Variants in SLIT3 observed in about 807,000 individuals in gnomAD.
The protein encoded by SLIT3 is slit homolog 3 protein.
Under a neutral mutation model 184.0 loss-of-function variants are expected in SLIT3, and 68 were observed. That is an observed-to-expected ratio of 0.37 (90% CI 0.30 to 0.45). SLIT3 has a LOEUF of 0.45. Among genes scored for constraint, SLIT3 ranks in the 20% least tolerant of loss-of-function variants. The pLI is 1.00. For synonymous variants in SLIT3, 831 were observed against 828.6 expected (o/e 1.00, Z -0.05); for missense variants, 1,707 against 2,026.0 (o/e 0.84, Z 3.02).
chr5:168,765,708 G>C (rs187426844), intron 14 of SLIT3, among the ~76,000 whole-genome samples: 1 of 152,302 alleles, frequency 6.6e-6, no homozygotes, highest in East Asian at 1.9e-4. Context: ...GACTGCAATA[G>C]GCTGTTGCTT....
chr5:169,043,033 A>G (rs1375072212), intron 4 of SLIT3, among the ~76,000 whole-genome samples: 7 of 152,164 alleles, frequency 4.6e-5, no homozygotes, highest in African/African-American at 1.7e-4. Context: ...TACTACTACT[A>G]ATGGCTTCCT....
intron 4 of SLIT3, among the ~76,000 whole-genome samples, chr5:168,947,952 G>A (rs942775708): frequency 3.4e-5 from 5 of 148,296 alleles, no homozygotes; most frequent in Admixed American, 1.4e-4. Context: ...CACCACACCC[G>A]GCTAATTTTT....
intron 4 of SLIT3, among the ~76,000 whole-genome samples, chr5:169,013,665 C>T (rs1259484071): frequency 1.3e-5 from 2 of 152,130 alleles, no homozygotes; most frequent in Non-Finnish European, 2.9e-5. Flanking sequence ...GAATTAAACC[C>T]GGGCTAAATA....
At chr5:168,920,525 A>C (rs1761601572) in intron 4 of SLIT3, among the ~76,000 whole-genome samples, 1 of 152,146 alleles carries the variant, frequency 6.6e-6, no homozygotes, top group African/African-American at 2.4e-5. Flanking sequence ...GCGGCACGGA[A>C]GGAATACAGA....
intron 20 of SLIT3, among the ~76,000 whole-genome samples, chr5:168,727,475 G>A (rs1455814870): frequency 6.6e-6 from 1 of 152,240 alleles, no homozygotes. Flanking sequence ...CAGAGCTTGA[G>A]TTCCAAGGCA....
In SLIT3 at chr5:168,763,444, C is replaced by T. The variant is rs182487440; in HGVS notation, c.1460-755G>A. Among the ~76,000 whole-genome samples, 77 of 152,170 alleles carry T rather than the reference C, an allele frequency of 5.1e-4. No individual in the cohort carries two copies. The East Asian group carries it at 0.011, about 21-fold the overall frequency. On this transcript the variant is annotated intron_variant, in intron 14 of 35. Coordinates refer to ENST00000519560, the MANE Select transcript of SLIT3 (RefSeq NM_003062.4). ...ATTCCAATTTAAAATGCCGCGAGGACGAGCAAATTGTATCTGAGGGTCAGA... is the reference window on the plus strand; with the variant it reads ...ATTCCAATTTAAAATGCCGCGAGGATGAGCAAATTGTATCTGAGGGTCAGA...
chr5:168,904,890 G>T (rs902304122), intron 4 of SLIT3, among the ~76,000 whole-genome samples: 1 of 152,150 alleles, frequency 6.6e-6, no homozygotes, highest in Non-Finnish European at 1.5e-5. Context: ...TATCCGGCTG[G>T]GTGTGGTGGC....
At chr5:168,864,856 T>C (rs571540126) in intron 5 of SLIT3, among the ~76,000 whole-genome samples, 1 of 152,262 alleles carries the variant, frequency 6.6e-6, no homozygotes, top group East Asian at 1.9e-4. Context: ...TGTTAAGTAA[T>C]GTTTGGTCAT....
chr5:169,091,035 C>G (rs985010410), intron 4 of SLIT3, among the ~76,000 whole-genome samples: 1 of 152,214 alleles, frequency 6.6e-6, no homozygotes, highest in African/African-American at 2.4e-5. Flanking sequence ...TCTGTCCTAC[C>G]AGGCTGACCT....
At chr5:169,116,481 G>A (rs1435811762) in intron 4 of SLIT3, among the ~76,000 whole-genome samples, 1 of 152,166 alleles carries the variant, frequency 6.6e-6, no homozygotes, top group East Asian at 1.9e-4. Flanking sequence ...ACCTAGTTAT[G>A]GTGTTCAGGA....
intron 26 of SLIT3, 140 bp from the exon 27 acceptor site, chr5:168,700,819 G>A: frequency 1.5e-6 from 1 of 648,126 alleles, no homozygotes; most frequent in Non-Finnish European, 2.8e-6. Context: ...AAGGCCTGCT[G>A]TGTGACTTGG....
chr5:168,875,203 AG>A (rs778072975), intron 5 of SLIT3, among the ~76,000 whole-genome samples: 9 of 126,254 alleles, frequency 7.1e-5, no homozygotes, highest in East Asian at 2.7e-4. Context: ...GAAGAGAGAA[AG>A]GGGGGAAGAG....
intron 1 of SLIT3, among the ~76,000 whole-genome samples, chr5:169,262,062 T>C (rs1259163135): frequency 1.3e-5 from 2 of 152,182 alleles, no homozygotes; most frequent in East Asian, 3.9e-4. Context: ...CCTTCTCCAG[T>C]TGAGCCTTGA....
intron 15 of SLIT3, among the ~76,000 whole-genome samples, chr5:168,761,864 C>T (rs74766170): frequency 0.32 from 48,289 of 150,326 alleles, 8,369 homozygotes; most frequent in East Asian, 0.54. Flanking sequence ...TTAGCCTCTC[C>T]GGTAGCTGAG....
intron 4 of SLIT3, among the ~76,000 whole-genome samples, chr5:168,903,173 TA>T (rs1760927729): frequency 6.6e-6 from 1 of 152,186 alleles, no homozygotes. Flanking sequence ...AATTTTCATT[TA>T]AAAAGCCACA....
intron 14 of SLIT3, among the ~76,000 whole-genome samples, chr5:168,771,575 C>T (rs927146893): frequency 3.9e-5 from 6 of 152,188 alleles, no homozygotes; most frequent in African/African-American, 9.7e-5. Context: ...CAGTACCACG[C>T]TCATCGCAGG....
chr5:169,086,021 C>T (rs1305988031), intron 4 of SLIT3, among the ~76,000 whole-genome samples: 12 of 152,142 alleles, frequency 7.9e-5, no homozygotes, highest in Admixed American at 7.9e-4. Flanking sequence ...CCCTCATTTT[C>T]CCTACAGCTA....
At chr5:168,823,455 G>A in intron 6 of SLIT3, 124 bp from the exon 7 acceptor site, 2 of 768,474 alleles carry the variant, frequency 2.6e-6, no homozygotes, top group East Asian at 2.5e-5. Context: ...TCATGGCCCA[G>A]CCAGTGGAGC....
chr5:168,783,741 C>A (rs1264654554), intron 12 of SLIT3, among the ~76,000 whole-genome samples: 1 of 152,122 alleles, frequency 6.6e-6, no homozygotes, highest in Non-Finnish European at 1.5e-5. Context: ...TAGATCGAAT[C>A]AGGGCCTGCT....
Sources: allele counts gnomAD v4.1 joint callset (sites outside exome capture counted in the v4.1 genomes callset), GRCh38; gene constraint gnomAD v4.1.1; transcripts MANE v1.5; gene names NCBI Gene and HGNC (gene_info 2026-07-23, HGNC 2026-07-21).